PEAK1: variants seen among roughly 807,000 people sequenced by gnomAD.
PEAK1 encodes pseudopodium enriched atypical kinase 1.
PEAK1 carries 54 observed loss-of-function variants against 124.7 expected under a neutral mutation model. The ratio of observed to expected loss-of-function variants is 0.43; its 90% confidence interval spans 0.35 to 0.54. The LOEUF (loss-of-function observed/expected upper bound fraction) is 0.54, where lower values mean the gene tolerates loss of function less well. Among genes scored for constraint, PEAK1 ranks in the 20% least tolerant of loss-of-function variants. The pLI is 0.01. For missense variants in PEAK1, 2,046 were observed against 2,134.5 expected, an observed-to-expected ratio of 0.96 and a Z score of 0.82; for synonymous variants, 719 against 760.0, an observed-to-expected ratio of 0.95 and a Z score of 0.89.
chr15:77,135,638 G>T (rs947812083), intron 8 of PEAK1, among the ~76,000 whole-genome samples: 1 of 152,178 alleles, frequency 6.6e-6, no homozygotes, highest in Non-Finnish European at 1.5e-5. Flanking sequence ...GGACCCAGTG[G>T]GAGGTAACTG....
intron 6 of PEAK1, among the ~76,000 whole-genome samples, chr15:77,184,400 A>G (rs1368044913): frequency 2.0e-5 from 3 of 152,154 alleles, no homozygotes; most frequent in Non-Finnish European, 4.4e-5. Context: ...ATTCTGAAAA[A>G]CAGTTTTGCA....
In PEAK1 at chr15:77,258,045, C is replaced by T. The variant is rs1311378373; in HGVS notation, c.-274-5519G>A. Among the ~76,000 whole-genome samples the T allele has an allele frequency of 3.3e-5, 5 of 152,168 alleles. 1 individual carries two copies. The highest frequency in any genetic ancestry group is 6.8e-3 in the Middle Eastern group (2 of 294). The stretch of plus-strand genomic sequence containing the variant: ...CAAAGATCAGATAGTTGTAGACATG[C>T]GGTGTCATTTCTGAGGGCTCTGTTC... On this transcript the variant is annotated intron_variant, in intron 5 of 9. Coordinates refer to ENST00000682557, the MANE Select transcript of PEAK1 (RefSeq NM_001385026.1).
At chr15:77,376,047 A>G (rs959319046) in intron 1 of PEAK1, among the ~76,000 whole-genome samples, 1 of 150,828 alleles carries the variant, frequency 6.6e-6, no homozygotes, top group African/African-American at 2.4e-5. Context: ...AAATAAATGT[A>G]ATAATAAAAA....
rs1477496147 is a variant in PEAK1 at position 77,179,646 on chromosome 15, C to T, written c.2281G>A (p.Glu761Lys). 6.2e-7 allele frequency: 1 copy of T among 1,614,112 alleles called. No individual in the cohort carries two copies. The highest frequency in any genetic ancestry group is 1.7e-5 in the Admixed American group (1 of 60,008). Reference sequence around the variant, plus strand: ...TGAGAAAGCACTGTGCTTGCTTTCTCTCTGGTGCTGCTGCTGCCCACCATC... The same window carrying T: ...TGAGAAAGCACTGTGCTTGCTTTCTTTCTGGTGCTGCTGCTGCCCACCATC... ...SQMVGSSSTREKASTVLSQIV... is the reference protein window; with the variant it reads ...SQMVGSSSTRKKASTVLSQIV... Residue 761 changes from glutamate to lysine, a missense_variant, in exon 7 of 10, where the codon GAG becomes AAG. Physicochemically the swap from Glu to Lys is moderately conservative, Grantham distance 56. Transcript: ENST00000682557.
rs764358396 is a variant in PEAK1, at chr15:77,350,087, A to C, written c.-603+15076T>G. 5 of 985,336 alleles carry C rather than the reference A, an allele frequency of 5.1e-6. No homozygotes were observed. In the African/African-American group the frequency reaches 8.7e-5, roughly 17 times the overall value. 61.0% of individuals were successfully genotyped at this position (985,336 alleles called of 1,614,324 possible). On this transcript the variant is annotated intron_variant, in intron 2 of 9. Transcript: ENST00000682557. ...TTTTCAGATCATTTGTGCAAACATA[A>C]TAAGAGCATACCCCCAAATAGGTCT...
intron 6 of PEAK1, among the ~76,000 whole-genome samples, chr15:77,201,603 C>T (rs548778507): frequency 3.9e-5 from 6 of 152,050 alleles, no homozygotes; most frequent in South Asian, 2.1e-4. Flanking sequence ...AGTGGCTAAT[C>T]AAGAAACTAA....
At chr15:77,335,351 T>C (rs1357438323) in intron 2 of PEAK1, 1 of 985,328 alleles carries the variant, frequency 1.0e-6, no homozygotes, top group East Asian at 1.1e-4. Flanking sequence ...TGCAGTGTTT[T>C]TCCCATTCAT....
intron 2 of PEAK1, chr15:77,331,156 G>A (rs2065869714): frequency 4.5e-6 from 2 of 443,424 alleles, no homozygotes; most frequent in Non-Finnish European, 6.0e-6. Context: ...TTGAGACGAA[G>A]TCTTGCTCTG....
At chr15:77,265,842 A>C (rs1307638680) in intron 5 of PEAK1, among the ~76,000 whole-genome samples, 1 of 152,116 alleles carries the variant, frequency 6.6e-6, no homozygotes, top group African/African-American at 2.4e-5. Context: ...AATAGCAAAG[A>C]CTTGGAACCA....
At chr15:77,354,268 C>A (rs2067371022) in intron 2 of PEAK1, among the ~76,000 whole-genome samples, 2 of 152,148 alleles carry the variant, frequency 1.3e-5, no homozygotes, top group African/African-American at 4.8e-5. Flanking sequence ...TTAAATTGCC[C>A]AACTTGAGAG....
At chr15:77,332,116 T>A in intron 2 of PEAK1, 1 of 817,814 alleles carries the variant, frequency 1.2e-6, no homozygotes, top group Non-Finnish European at 1.5e-6. Flanking sequence ...ACAGCAAGAC[T>A]CCATCTCAAA....
At chr15:77,154,563 G>A (rs1037962363) in intron 8 of PEAK1, among the ~76,000 whole-genome samples, 2 of 152,218 alleles carry the variant, frequency 1.3e-5, no homozygotes, top group African/African-American at 4.8e-5. Context: ...GTTAGTTGAT[G>A]CAGTTTCTTC....
intron 6 of PEAK1, among the ~76,000 whole-genome samples, chr15:77,240,930 T>C (rs1290698455): frequency 1.3e-5 from 2 of 152,168 alleles, no homozygotes; most frequent in Non-Finnish European, 2.9e-5. Context: ...GAGGAAGATA[T>C]ACTTCCCATT....
chr15:77,114,154 CATT>C lies in PEAK1; in HGVS notation c.5240_*1del. On this transcript the variant is annotated stop_lost and 3_prime_UTR_variant, in exon 10 of 10. Transcript: ENST00000682557. ...GTAGTAAAAGCATCATCCAGGTACA[CATT>C]AACGGTGCTGCAGAATTTTCACAAT... The C allele has an allele frequency of 6.2e-7, 1 of 1,613,250 alleles. No individual in the cohort carries two copies. The highest frequency in any genetic ancestry group is 8.5e-7 in the Non-Finnish European group (1 of 1,179,288).
intron 9 of PEAK1, among the ~76,000 whole-genome samples, chr15:77,119,168 C>T (rs2152719079): frequency 6.6e-6 from 1 of 152,286 alleles, no homozygotes; most frequent in Non-Finnish European, 1.5e-5. Context: ...GTGAAGAGCA[C>T]AGACAGGAAG....
At chr15:77,358,471 G>A (rs568808990) in intron 2 of PEAK1, among the ~76,000 whole-genome samples, 4 of 152,284 alleles carry the variant, frequency 2.6e-5, no homozygotes, top group African/African-American at 9.6e-5. Context: ...CAAAAGTCAT[G>A]CTGTAAACTT....
chr15:77,247,413 A>G (rs1045410554), intron 6 of PEAK1, among the ~76,000 whole-genome samples: 1 of 150,506 alleles, frequency 6.6e-6, no homozygotes, highest in Non-Finnish European at 1.5e-5. Context: ...TTAATGCAGT[A>G]TCTAACCACT....
At chr15:77,195,569 C>G (rs2058061608) in intron 6 of PEAK1, among the ~76,000 whole-genome samples, 1 of 152,188 alleles carries the variant, frequency 6.6e-6, no homozygotes, top group Non-Finnish European at 1.5e-5. Context: ...TTTCCCCTCT[C>G]TTGACTTCTT....
chr15:77,145,489 A>G (rs1010600931), intron 8 of PEAK1, among the ~76,000 whole-genome samples: 1 of 151,770 alleles, frequency 6.6e-6, no homozygotes, highest in African/African-American at 2.4e-5. Flanking sequence ...GCCCTATATC[A>G]TGTTCTGGAA....
Sources: allele counts gnomAD v4.1 joint callset (sites outside exome capture counted in the v4.1 genomes callset), GRCh38; gene constraint gnomAD v4.1.1; transcripts MANE v1.5; gene names NCBI Gene and HGNC (gene_info 2026-07-23, HGNC 2026-07-21).